The following SALL3 variants were observed in gnomAD, a reference collection of about 807,000 sequenced individuals.
The protein encoded by SALL3 is sal-like protein 3.
SALL3 carries 25 observed loss-of-function variants against 66.2 expected under a neutral mutation model. The observed-to-expected ratio is 0.38, with a 90% CI of 0.28 to 0.53. The LOEUF is 0.53. Ranked by LOEUF, SALL3 falls within the 20% of genes least tolerant of loss-of-function variation. The pLI, the probability that SALL3 is intolerant of heterozygous loss-of-function variation, is 0.85. For synonymous variants in SALL3, 1,152 were observed against 899.1 expected (o/e 1.28, Z -5.03); for missense variants, 2,194 against 1,916.5 (o/e 1.14, Z -2.70).
chr18:78,991,383 T>TCG lies in SALL3; in HGVS notation c.83-691_83-690insCG, dbSNP rs796281638. The stretch of plus-strand genomic sequence containing the variant: ...CCCTATCTGGAAGAAAGTACAAGGG[T>TCG]GGGGGGGGGGGAACTGCTCTGTCGC... On this transcript the variant is annotated intron_variant, in intron 1 of 2. Transcript: ENST00000537592. Among the ~76,000 whole-genome samples, 16 of 92,228 alleles carry TCG rather than the reference T, an allele frequency of 1.7e-4. No individual in the cohort carries two copies. In the East Asian group the frequency reaches 4.1e-3, roughly 23 times the overall value. 60.5% of individuals were successfully genotyped at this position (92,228 alleles called of 152,430 possible). A position where few individuals can be genotyped will look rare whatever the true frequency, so the allele number is the denominator to read the frequency against.
In SALL3 at chr18:78,992,096, G is replaced by C. The variant is rs371316679; in HGVS notation, c.105G>C (p.Glu35Asp). The change falls in exon 2 of 3, where the codon GAG becomes GAC. Residue 35 changes from glutamate (E) to aspartate (D), a missense_variant. Transcript: ENST00000537592. ...PEHAAPGEGA[E>D]DADSGPESRS... The stretch of plus-strand genomic sequence containing the variant: ...CAGCCGCCCCGGGGGAAGGTGCGGA[G>C]GACGCAGACAGCGGGCCCGAGAGCC... 8 of 1,565,330 alleles carry C rather than the reference G, an allele frequency of 5.1e-6. No homozygotes were observed. The East Asian group carries it at 9.4e-5, about 18-fold the overall frequency.
Position 78,994,361 on chromosome 18 carries a change from G to A in SALL3, c.2370G>A (p.Ala790=), listed in dbSNP as rs200572940. The change falls in exon 2 of 3, where the codon GCG becomes GCA. Residue 790 remains alanine, a synonymous_variant. Coordinates refer to ENST00000537592, the MANE Select transcript of SALL3 (RefSeq NM_171999.4). ...AGCTGGCCTACGACGACAAGAACGCGGAGACCCTGAGCAGCTACGATGACG... is the reference window on the plus strand; with the variant it reads ...AGCTGGCCTACGACGACAAGAACGCAGAGACCCTGAGCAGCTACGATGACG... ...DSELAYDDKN[A]ETLSSYDDDM... 19 of 1,613,474 alleles carry A rather than the reference G, an allele frequency of 1.2e-5. 1 individual carries two copies. The highest frequency in any genetic ancestry group is 7.7e-5 in the South Asian group (7 of 91,082).
In SALL3 at chr18:78,980,257, C is replaced by A. The variant is rs1227908348; in HGVS notation, c.-18C>A. On this transcript the variant is annotated 5_prime_UTR_variant, in exon 1 of 3. Coordinates refer to ENST00000537592, the MANE Select transcript of SALL3 (RefSeq NM_171999.4). The stretch of plus-strand genomic sequence containing the variant: ...CTGATGCCGCTGCCCCGCGCGGGGC[C>A]CGAGCGCCGCTAGCAGCATGTCTCG... 7.9e-7 allele frequency: 1 copy of A among 1,257,924 alleles called. No individual in the cohort carries two copies. Among genetic ancestry groups the A allele is most frequent in the Non-Finnish European group, 1.0e-6 (1 of 983,408 alleles). 77.9% of individuals were successfully genotyped at this position (1,257,924 alleles called of 1,614,324 possible). A position where few individuals can be genotyped will look rare whatever the true frequency, so the allele number is the denominator to read the frequency against.
intron 1 of SALL3, among the ~76,000 whole-genome samples, chr18:78,985,365 T>C (rs956713975): frequency 1.3e-5 from 2 of 152,252 alleles, no homozygotes; most frequent in African/African-American, 4.8e-5. Context: ...TGTGTCGTTA[T>C]TGCATCTTGA....
In SALL3 at chr18:78,995,121, G is replaced by C; in HGVS notation, c.3130G>C (p.Gly1044Arg). ...GTTATTTGACCCCAACTTTGCTCTA[G>C]GTCCCAGCCAAAGCACTCCTAGCCT... ...SQLFDPNFAL[G>R]PSQSTPSLIS... The change falls in exon 2 of 3, where the codon GGT becomes CGT. Residue 1044 changes from glycine to arginine, a missense_variant. Transcript: ENST00000537592. 6.2e-7 allele frequency: 1 copy of C among 1,613,816 alleles called. No individual in the cohort carries two copies. Among genetic ancestry groups the C allele is most frequent in the Non-Finnish European group, 8.5e-7 (1 of 1,180,026 alleles).
chr18:78,980,273 G>A lies in SALL3; in HGVS notation c.-2G>A, dbSNP rs1401517965. 13 of 1,365,744 alleles carry A rather than the reference G, an allele frequency of 9.5e-6. No individual in the cohort carries two copies. The highest frequency in any genetic ancestry group is 1.2e-5 in the Non-Finnish European group (13 of 1,046,594). 84.6% of individuals were successfully genotyped at this position (1,365,744 alleles called of 1,614,324 possible). A position where few individuals can be genotyped will look rare whatever the true frequency, so the allele number is the denominator to read the frequency against. ...GCGCGGGGCCCGAGCGCCGCTAGCA[G>A]CATGTCTCGGCGCAAGCAGGCCAAG... is the stretch of plus-strand genomic sequence containing the variant. On this transcript the variant is annotated 5_prime_UTR_variant, in exon 1 of 3. Coordinates refer to ENST00000537592, the MANE Select transcript of SALL3 (RefSeq NM_171999.4).
At chr18:78,990,517 C>T (rs1428822760) in intron 1 of SALL3, among the ~76,000 whole-genome samples, 1 of 152,192 alleles carries the variant, frequency 6.6e-6, no homozygotes, top group South Asian at 2.1e-4. Context: ...TTTTACAGGA[C>T]ATTTTTTTAA....
In SALL3 at chr18:78,994,820, C is replaced by A; in HGVS notation, c.2829C>A (p.Ala943=). ...LKTERPDSPA[A]APGSGGAPGR... is the part of the protein sequence containing the mutation. ...CCGAGAGGCCGGACAGCCCAGCCGC[C>A]GCCCCGGGCAGCGGAGGCGCCCCTG... Residue 943 remains alanine, a synonymous_variant, in exon 2 of 3, where the codon GCC becomes GCA. Transcript: ENST00000537592. 6.3e-7 allele frequency: 1 copy of A among 1,595,236 alleles called. No individual in the cohort carries two copies. Among genetic ancestry groups the A allele is most frequent in the South Asian group, 1.1e-5 (1 of 89,616 alleles).
chr18:78,997,136 C>G lies in SALL3; in HGVS notation c.3717C>G (p.Pro1239=). Residue 1239 remains proline, a synonymous_variant, in exon 3 of 3, where the codon CCC becomes CCG. Transcript: ENST00000537592. ...EISVIQNGGI[P]QLPVSLGGSA... is the part of the protein sequence containing the mutation. ...CCGTCATCCAGAACGGCGGCATCCC[C>G]CAGCTCCCCGTGAGTCTTGGGGGCA... The G allele has an allele frequency of 1.2e-6, 2 of 1,614,070 alleles. No homozygotes were observed. The highest frequency in any genetic ancestry group is 1.7e-6 in the Non-Finnish European group (2 of 1,180,036).
chr18:78,980,990 C>T (rs961881836), intron 1 of SALL3, among the ~76,000 whole-genome samples: 4 of 152,208 alleles, frequency 2.6e-5, no homozygotes, highest in Admixed American at 6.5e-5. Context: ...GGCCTGGCCC[C>T]TGCTCGCGGC....
In SALL3 at chr18:78,996,960, C is replaced by A. The variant is rs952586199; in HGVS notation, c.3541C>A (p.Pro1181Thr). The A allele has an allele frequency of 6.2e-7, 1 of 1,613,764 alleles. No individual in the cohort carries two copies. The highest frequency in any genetic ancestry group is 1.3e-5 in the African/African-American group (1 of 74,950). Residue 1181 changes from proline to threonine, a missense_variant, in exon 3 of 3, where the codon CCC (proline) becomes ACC (threonine). Transcript: ENST00000537592. ...RRGRRLSVENPMALLGGDALK... is the reference protein window; with the variant it reads ...RRGRRLSVENTMALLGGDALK... ...CGGCCGCCGCCTGTCTGTGGAGAAC[C>A]CCATGGCTCTCCTAGGGGGTGATGC... is the stretch of plus-strand genomic sequence containing the variant.
Position 78,994,971 on chromosome 18 carries a change from A to G in SALL3, c.2980A>G (p.Ile994Val), listed in dbSNP as rs1031042749. Reference protein sequence around the residue: ...KPFACKSALEIHYRSHTKERP... With the variant: ...KPFACKSALEVHYRSHTKERP... ...TTTTGCTTGCAAGAGCGCGTTGGAAATCCACTACCGCAGCCATACTAAGGA... is the reference window on the plus strand; with the variant it reads ...TTTTGCTTGCAAGAGCGCGTTGGAAGTCCACTACCGCAGCCATACTAAGGA... The change falls in exon 2 of 3, where the codon ATC becomes GTC. Residue 994 changes from isoleucine (I) to valine (V), a missense_variant. Coordinates refer to ENST00000537592, the MANE Select transcript of SALL3 (RefSeq NM_171999.4). 118 of 1,613,604 alleles carry G rather than the reference A, an allele frequency of 7.3e-5. No homozygotes were observed. Among genetic ancestry groups the G allele is most frequent in the Non-Finnish European group, 9.9e-5 (117 of 1,179,998 alleles).
chr18:78,994,362 G>A lies in SALL3; in HGVS notation c.2371G>A (p.Glu791Lys). ...SELAYDDKNA[E>K]TLSSYDDDMD... ...GCTGGCCTACGACGACAAGAACGCG[G>A]AGACCCTGAGCAGCTACGATGACGA... Residue 791 changes from glutamate (E) to lysine (K), a missense_variant, in exon 2 of 3, where the codon GAG (glutamate) becomes AAG (lysine). Glu to Lys is a moderately conservative substitution (Grantham distance 56, BLOSUM62 1). Coordinates refer to ENST00000537592, the MANE Select transcript of SALL3 (RefSeq NM_171999.4). The A allele has an allele frequency of 6.2e-7, 1 of 1,613,502 alleles. No individual in the cohort carries two copies. The highest frequency in any genetic ancestry group is 8.5e-7 in the Non-Finnish European group (1 of 1,180,006).
In SALL3 at chr18:78,994,653, A is replaced by T; in HGVS notation, c.2662A>T (p.Ser888Cys). Reference protein sequence around the residue: ...DSSSAVGDLESRSAGSPALSE... With the variant: ...DSSSAVGDLECRSAGSPALSE... ...CTCGTCGGCCGTGGGCGACCTGGAGAGCCGCAGCGCGGGCAGCCCCGCCCT... is the reference window on the plus strand; with the variant it reads ...CTCGTCGGCCGTGGGCGACCTGGAGTGCCGCAGCGCGGGCAGCCCCGCCCT... The change falls in exon 2 of 3, where the codon AGC (serine) becomes TGC (cysteine). Residue 888 changes from serine to cysteine, a missense_variant. Ser to Cys is a moderately radical substitution (Grantham distance 112). Coordinates refer to ENST00000537592, the MANE Select transcript of SALL3 (RefSeq NM_171999.4). The T allele has an allele frequency of 6.2e-7, 1 of 1,609,200 alleles. No homozygotes were observed. Among genetic ancestry groups the T allele is most frequent in the Admixed American group, 1.7e-5 (1 of 59,862 alleles).
In SALL3 at chr18:78,997,510, G is replaced by C; in HGVS notation, c.*188G>C. ...TTCAACAGCAAGCCTGACTGTTCTCGAGAACTCTGCAATCTTTTAAATAAG... is the reference window on the plus strand; with the variant it reads ...TTCAACAGCAAGCCTGACTGTTCTCCAGAACTCTGCAATCTTTTAAATAAG... On this transcript the variant is annotated 3_prime_UTR_variant, in exon 3 of 3. Transcript: ENST00000537592. The C allele has an allele frequency of 5.1e-6, 3 of 590,362 alleles. No homozygotes were observed. Among genetic ancestry groups the C allele is most frequent in the South Asian group, 5.0e-5 (2 of 39,766 alleles). The allele number at this position is 590,362 out of a possible 1,614,324, so 36.6% of individuals were successfully genotyped here.
rs1913963843 is a variant in SALL3, at chr18:78,980,215, C to T, written c.-60C>T. The T allele has an allele frequency of 1.1e-6, 1 of 884,052 alleles. No individual in the cohort carries two copies. The highest frequency in any genetic ancestry group is 1.8e-5 in the African/African-American group (1 of 54,342). 54.8% of individuals were successfully genotyped at this position (884,052 alleles called of 1,614,324 possible). On this transcript the variant is annotated 5_prime_UTR_variant, in exon 1 of 3. Coordinates refer to ENST00000537592, the MANE Select transcript of SALL3 (RefSeq NM_171999.4). ...CGCCCGCCAGGCCGCCCCGCGCCGT[C>T]CCCGCCGGCCGCCCCGCTGATGCCG...
At chr18:78,988,214 TA>T (rs1180202898) in intron 1 of SALL3, among the ~76,000 whole-genome samples, 4 of 152,242 alleles carry the variant, frequency 2.6e-5, no homozygotes, top group African/African-American at 9.6e-5. Flanking sequence ...ATACTGGCTT[TA>T]AATGATGGCA....
rs925107218 is a variant in SALL3 at position 78,998,552 on chromosome 18, A to G, written c.*1230A>G. The G allele has an allele frequency of 6.6e-6, 1 of 152,214 alleles. No individual in the cohort carries two copies. Among genetic ancestry groups the G allele is most frequent in the African/African-American group, 2.4e-5 (1 of 41,460 alleles). 9.4% of individuals were successfully genotyped at this position (152,214 alleles called of 1,614,324 possible). On this transcript the variant is annotated 3_prime_UTR_variant, in exon 3 of 3. Transcript: ENST00000537592. ...ACCTTGGTGAATTCATCCTAGGACT[A>G]TGACGTCAGTACAAGCCAGGAAGGA...
At position 78,994,232 on chromosome 18, in the gene SALL3, G is replaced by A; in HGVS notation, c.2241G>A (p.Lys747=). Residue 747 remains lysine (K), a synonymous_variant, in exon 2 of 3, where the codon AAG becomes AAA. Coordinates refer to ENST00000537592, the MANE Select transcript of SALL3 (RefSeq NM_171999.4). ...ACTCCTGCCCCATCTGCCAGAAGAA[G>A]TTCACCAACGCCGTGGTCCTGCAGC... The part of the protein sequence containing the change: ...VQHSCPICQK[K]FTNAVVLQQH... The A allele has an allele frequency of 1.2e-6, 2 of 1,613,704 alleles. No homozygotes were observed. Among genetic ancestry groups the A allele is most frequent in the Middle Eastern group, 1.6e-4 (1 of 6,062 alleles).
Sources: gnomAD v4.1 joint callset for allele counts (sites outside exome capture counted in the v4.1 genomes callset) on GRCh38, gnomAD v4.1.1 for gene constraint, MANE v1.5 for transcripts, NCBI Gene and HGNC (gene_info 2026-07-23, HGNC 2026-07-21) for gene names.